The following PRKG1 variants were observed in gnomAD, a reference collection of about 807,000 sequenced individuals.
PRKG1 encodes the protein protein kinase cGMP-dependent 1.
In PRKG1, 35 loss-of-function variants were observed where a neutral mutation model predicts 88.1. The ratio of observed to expected loss-of-function variants is 0.40; its 90% CI spans 0.30 to 0.53. The LOEUF (loss-of-function observed/expected upper bound fraction) is 0.53. Among genes scored for constraint, PRKG1 ranks in the 20% least tolerant of loss-of-function variants. The pLI, the probability that PRKG1 is intolerant of heterozygous loss-of-function variation, is 0.59. For missense variants in PRKG1, 540 were observed against 839.8 expected, an observed-to-expected ratio of 0.64 and a Z score of 4.41; for synonymous variants, 303 against 292.5, an observed-to-expected ratio of 1.04 and a Z score of -0.37.
rs1322304979 is a variant in PRKG1, at chr10:51,182,619, T to A, written c.478+29289T>A. 2.0e-5 allele frequency among the ~76,000 whole-genome samples: 3 copies of A among 152,184 alleles called. No individual in the cohort carries two copies. The East Asian group carries it at 5.8e-4, about 29-fold the overall frequency. On this transcript the variant is annotated intron_variant, in intron 2 of 17. Transcript: ENST00000373980. ...GACCCAGCTTGCCTAGGAGTGCATG[T>A]GTGCAGGCCTCCAGTGGGTTATGGC...
intron 3 of PRKG1, among the ~76,000 whole-genome samples, chr10:51,616,119 G>T (rs1839046509): frequency 6.6e-6 from 1 of 152,196 alleles, no homozygotes; most frequent in South Asian, 2.1e-4. Flanking sequence ...CTTACGATAT[G>T]GTTATTATTG....
intron 2 of PRKG1, among the ~76,000 whole-genome samples, chr10:51,160,044 G>A (rs1846320881): frequency 6.6e-6 from 1 of 152,130 alleles, no homozygotes; most frequent in Non-Finnish European, 1.5e-5. Context: ...GGGTTGAGGA[G>A]GGATTCCTTG....
At chr10:52,281,933 G>A (rs1419288677) in intron 13 of PRKG1, among the ~76,000 whole-genome samples, 4 of 152,032 alleles carry the variant, frequency 2.6e-5, no homozygotes, top group Admixed American at 1.3e-4. Context: ...TTTTAATGAT[G>A]TGAATTTTAT....
chr10:51,926,343 T>C (rs1284989209), intron 5 of PRKG1, among the ~76,000 whole-genome samples: 1 of 152,132 alleles, frequency 6.6e-6, no homozygotes, highest in African/African-American at 2.4e-5. Context: ...GAAAATGTGG[T>C]GAGGGGGATA....
At chr10:52,221,319 G>A (rs559216320) in intron 9 of PRKG1, among the ~76,000 whole-genome samples, 3 of 151,786 alleles carry the variant, frequency 2.0e-5, no homozygotes, top group Non-Finnish European at 4.4e-5. Flanking sequence ...GAGATAATTT[G>A]TTATGCAGCC....
intron 2 of PRKG1, among the ~76,000 whole-genome samples, chr10:51,269,714 G>A (rs566714771): frequency 9.2e-5 from 14 of 151,984 alleles, no homozygotes; most frequent in Admixed American, 6.6e-4. Context: ...GGACTCAGGC[G>A]GAAGTGTTGG....
chr10:51,601,354 G>A (rs1229912229), intron 3 of PRKG1, among the ~76,000 whole-genome samples: 2 of 152,154 alleles, frequency 1.3e-5, no homozygotes, highest in Non-Finnish European at 2.9e-5. Context: ...TTAGAAAGGC[G>A]AAGGGAGGAG....
At chr10:50,994,660 C>T (rs78407002) in intron 1 of PRKG1, among the ~76,000 whole-genome samples, 2,960 of 152,110 alleles carry the variant, frequency 0.019, 50 homozygotes, top group Middle Eastern at 0.072. Context: ...TGAATGATAA[C>T]TATTCATGCT....
chr10:51,432,969 G>T (rs1459457443), intron 2 of PRKG1, among the ~76,000 whole-genome samples: 1 of 152,142 alleles, frequency 6.6e-6, no homozygotes, highest in Non-Finnish European at 1.5e-5. Context: ...GACAGATGTT[G>T]AGGCATGAAG....
intron 7 of PRKG1, among the ~76,000 whole-genome samples, chr10:52,082,997 C>T (rs919336508): frequency 4.6e-5 from 7 of 151,914 alleles, no homozygotes; most frequent in East Asian, 1.9e-4. Context: ...AAAAAATACA[C>T]GGATTATGGA....
At chr10:51,056,655 T>C (rs1369421098) in intron 1 of PRKG1, among the ~76,000 whole-genome samples, 1 of 152,168 alleles carries the variant, frequency 6.6e-6, no homozygotes, top group Non-Finnish European at 1.5e-5. Flanking sequence ...GCTCTGATCA[T>C]GACACTTTGC....
intron 2 of PRKG1, among the ~76,000 whole-genome samples, chr10:51,413,432 C>T (rs1838155766): frequency 6.6e-6 from 1 of 152,024 alleles, no homozygotes; most frequent in African/African-American, 2.4e-5. Flanking sequence ...ATGGCACGAT[C>T]ACTGCAACCT....
At chr10:51,233,557 T>C (rs1838904026) in intron 2 of PRKG1, among the ~76,000 whole-genome samples, 1 of 152,144 alleles carries the variant, frequency 6.6e-6, no homozygotes, top group Non-Finnish European at 1.5e-5. Flanking sequence ...ACCAAATTCT[T>C]CAGTATCAGA....
Position 52,290,298 on chromosome 10 carries a change from G to C in PRKG1, c.1962+8G>C, listed in dbSNP as rs1379955952. Reference sequence around the variant, plus strand: ...CCTCCTATAATACCAAGTGTAAGTAGACTTTCCAGCTTATAATTGTGTGAC... The same window carrying C: ...CCTCCTATAATACCAAGTGTAAGTACACTTTCCAGCTTATAATTGTGTGAC... On this transcript the variant is annotated splice_region_variant and intron_variant, in intron 17 of 17. Coordinates refer to ENST00000373980, the MANE Select transcript of PRKG1 (RefSeq NM_006258.4). 6.3e-7 allele frequency: 1 copy of C among 1,597,770 alleles called. No individual in the cohort carries two copies. The highest frequency in any genetic ancestry group is 1.1e-5 in the South Asian group (1 of 90,240).
At chr10:51,576,098 A>T (rs1208743639) in intron 3 of PRKG1, among the ~76,000 whole-genome samples, 1 of 151,934 alleles carries the variant, frequency 6.6e-6, no homozygotes, top group African/African-American at 2.4e-5. Context: ...ATCACAGATA[A>T]TAAAATGGCA....
At chr10:51,276,608 AC>A (rs1840126114) in intron 2 of PRKG1, among the ~76,000 whole-genome samples, 1 of 152,094 alleles carries the variant, frequency 6.6e-6, no homozygotes, top group Non-Finnish European at 1.5e-5. Context: ...CTATTTCTCC[AC>A]ATCCTCTCCA....
At chr10:51,707,554 A>G (rs533886538) in intron 3 of PRKG1, among the ~76,000 whole-genome samples, 29 of 152,266 alleles carry the variant, frequency 1.9e-4, no homozygotes, top group Admixed American at 1.3e-3. Context: ...AGGTCTGAAT[A>G]AAGATACCCT....
At chr10:51,570,469 T>G (rs12262367) in intron 3 of PRKG1, among the ~76,000 whole-genome samples, 1 of 151,682 alleles carries the variant, frequency 6.6e-6, no homozygotes, top group African/African-American at 2.4e-5. Context: ...TGCCTTCAAA[T>G]TGAGTAGTCT....
chr10:51,680,302 A>G (rs1465619298), intron 3 of PRKG1, among the ~76,000 whole-genome samples: 1 of 152,088 alleles, frequency 6.6e-6, no homozygotes, highest in Admixed American at 6.5e-5. Flanking sequence ...AAAAAAAAGA[A>G]TACTTAAACC....
Sources: allele counts gnomAD v4.1 joint callset (sites outside exome capture counted in the v4.1 genomes callset), GRCh38; gene constraint gnomAD v4.1.1; transcripts MANE v1.5; gene names NCBI Gene and HGNC (gene_info 2026-07-23, HGNC 2026-07-21).